SHISA9: variants seen among roughly 807,000 people sequenced by gnomAD.
The protein encoded by SHISA9 is protein shisa-9.
SHISA9 carries 13 observed loss-of-function variants against 38.0 expected under a neutral mutation model. The ratio of observed to expected loss-of-function variants is 0.34; its 90% CI spans 0.22 to 0.54. The LOEUF (loss-of-function observed/expected upper bound fraction) is 0.54. Ranked by LOEUF, SHISA9 falls within the 20% of genes least tolerant of loss-of-function variation. The pLI is 0.91. For synonymous variants in SHISA9, 275 were observed against 242.0 expected (o/e 1.14, Z -1.27); for missense variants, 538 against 575.8 (o/e 0.93, Z 0.67).
intron 4 of SHISA9, among the ~76,000 whole-genome samples, chr16:13,216,831 T>G (rs1164703405): frequency 1.3e-5 from 2 of 152,206 alleles, no homozygotes; most frequent in African/African-American, 4.8e-5. Context: ...ATAAACATCA[T>G]GCTAGTTGGT....
chr16:13,288,377 G>T, the SHISA9 span, among the ~76,000 whole-genome samples: 1 of 152,100 alleles, frequency 6.6e-6, no homozygotes, highest in African/African-American at 2.4e-5. Context: ...GCTCACAGAG[G>T]ACGGCCTTCT....
chr16:13,384,963 C>A, the SHISA9 span, among the ~76,000 whole-genome samples: 1 of 151,968 alleles, frequency 6.6e-6, no homozygotes, highest in African/African-American at 2.4e-5. Flanking sequence ...AAAGAATGCT[C>A]CAAACTCAAA....
intron 4 of SHISA9, among the ~76,000 whole-genome samples, chr16:13,232,565 G>A (rs1473950260): frequency 1.3e-5 from 2 of 152,218 alleles, no homozygotes; most frequent in Admixed American, 6.5e-5. Flanking sequence ...CAGGAGTCCT[G>A]AGAACATGTG....
chr16:13,030,626 T>C (rs1023338206), intron 2 of SHISA9, among the ~76,000 whole-genome samples: 1 of 152,232 alleles, frequency 6.6e-6, no homozygotes, highest in Non-Finnish European at 1.5e-5. Flanking sequence ...TGAAACATCA[T>C]GTTTTTCTGC....
rs566948656 is a variant in SHISA9 at position 13,139,110 on chromosome 16, T to C, written c.692-64284T>C. Among the ~76,000 whole-genome samples the C allele has an allele frequency of 8.5e-5, 13 of 152,346 alleles. 1 individual carries two copies. The East Asian group carries it at 2.5e-3, about 29-fold the overall frequency. On this transcript the variant is annotated intron_variant, in intron 2 of 4. Transcript: ENST00000558583. ...GTGGCCTCAGAAATATCATCCTTTC[T>C]GACTGTTTTCTCATTGCAGGGTTGG... is the stretch of plus-strand genomic sequence containing the variant.
the SHISA9 span, among the ~76,000 whole-genome samples, chr16:13,413,345 G>T: frequency 3.3e-5 from 5 of 152,258 alleles, no homozygotes; most frequent in East Asian, 9.7e-4. Flanking sequence ...TAAGCAGATG[G>T]GGCTATTTAT....
intron 2 of SHISA9, among the ~76,000 whole-genome samples, chr16:13,166,049 A>G (rs1173144741): frequency 6.6e-6 from 1 of 152,180 alleles, no homozygotes; most frequent in African/African-American, 2.4e-5. Flanking sequence ...ATTATTTGTT[A>G]ATGCCTGCTG....
At chr16:13,231,359 G>C (rs961767660) in intron 4 of SHISA9, among the ~76,000 whole-genome samples, 1 of 152,180 alleles carries the variant, frequency 6.6e-6, no homozygotes, top group African/African-American at 2.4e-5. Context: ...GATGTCGAAG[G>C]GGGAAACTTT....
chr16:13,465,817 C>T, the SHISA9 span, among the ~76,000 whole-genome samples: 15 of 152,200 alleles, frequency 9.9e-5, no homozygotes, highest in African/African-American at 3.4e-4. Flanking sequence ...CCAACTATGG[C>T]CAATGGGTCA....
intron 2 of SHISA9, among the ~76,000 whole-genome samples, chr16:13,115,869 C>A (rs1056508224): frequency 6.6e-6 from 1 of 152,200 alleles, no homozygotes; most frequent in Non-Finnish European, 1.5e-5. Context: ...ATGAACAAAA[C>A]CCTTGGAGTT....
At chr16:13,118,886 T>C (rs1488288993) in intron 2 of SHISA9, among the ~76,000 whole-genome samples, 2 of 152,004 alleles carry the variant, frequency 1.3e-5, no homozygotes, top group South Asian at 2.1e-4. Flanking sequence ...CCCTCCACCA[T>C]GCCCAGCTAA....
chr16:13,545,041 G>A, the SHISA9 span, among the ~76,000 whole-genome samples: 2 of 152,152 alleles, frequency 1.3e-5, no homozygotes, highest in East Asian at 3.9e-4. Context: ...AATAACATCA[G>A]AACCACTATT....
the SHISA9 span, among the ~76,000 whole-genome samples, chr16:13,518,113 T>C: frequency 4.6e-5 from 7 of 152,156 alleles, no homozygotes; most frequent in East Asian, 1.9e-4. Flanking sequence ...CCAAGCTGTA[T>C]ATCCCTCTGA....
At chr16:13,420,876 C>G in the SHISA9 span, among the ~76,000 whole-genome samples, 2 of 152,182 alleles carry the variant, frequency 1.3e-5, no homozygotes, top group African/African-American at 4.8e-5. Context: ...CTATGAAATC[C>G]TCTCACGTAG....
chr16:13,391,097 T>C, the SHISA9 span, among the ~76,000 whole-genome samples: 1 of 150,900 alleles, frequency 6.6e-6, no homozygotes, highest in African/African-American at 2.4e-5. Context: ...TTGATAAGAG[T>C]GACAGTAAGA....
intron 2 of SHISA9, among the ~76,000 whole-genome samples, chr16:13,192,591 A>T (rs1402984539): frequency 6.6e-6 from 1 of 152,094 alleles, no homozygotes; most frequent in Non-Finnish European, 1.5e-5. Context: ...AAACTTGTTT[A>T]TTATCTGCAT....
At chr16:13,503,014 AAC>A in the SHISA9 span, among the ~76,000 whole-genome samples, 5 of 152,366 alleles carry the variant, frequency 3.3e-5, no homozygotes, top group African/African-American at 1.2e-4. Context: ...TAAATTAAAA[AAC>A]ACAGTTTGGT....
rs185757209 is a variant in SHISA9 at position 13,229,258 on chromosome 16, G to T, written c.896-5772G>T. ...AGTCATACCTCATCTTGGAACGCTA[G>T]TGAGTGAGACGGATGATAATGAATG... On this transcript the variant is annotated intron_variant, in intron 4 of 4. Coordinates refer to ENST00000558583, the MANE Select transcript of SHISA9 (RefSeq NM_001145204.3). Among the ~76,000 whole-genome samples, 245 of 152,340 alleles carry T rather than the reference G, an allele frequency of 1.6e-3. 3 individuals carry two copies. The highest frequency in any genetic ancestry group is 1.2e-3 in the Non-Finnish European group (83 of 68,038).
chr16:13,206,566 A>G (rs366242), intron 3 of SHISA9, among the ~76,000 whole-genome samples: 98,234 of 152,118 alleles, frequency 0.65, 33,312 homozygotes, highest in African/African-American at 0.86. Flanking sequence ...GCCAGTGCTT[A>G]TACCAGAAGT....
Sources: allele counts gnomAD v4.1 joint callset (sites outside exome capture counted in the v4.1 genomes callset), GRCh38; gene constraint gnomAD v4.1.1; transcripts MANE v1.5; gene names NCBI Gene and HGNC (gene_info 2026-07-23, HGNC 2026-07-21).